Variants in C3orf70 observed in about 807,000 individuals in gnomAD.
C3orf70 encodes the protein chromosome 3 open reading frame 70, also known as UPF0524 protein C3orf70.
In C3orf70, 15 loss-of-function variants were observed where a neutral mutation model predicts 20.7. The observed-to-expected ratio is 0.72, with a 90% CI of 0.48 to 1.11. The LOEUF (loss-of-function observed/expected upper bound fraction) is 1.11. C3orf70 is among the 50% of genes most tolerant of loss of function. C3orf70 has a pLI of 0.00. For missense variants in C3orf70, 332 were observed against 317.6 expected (o/e 1.05, Z -0.34); for synonymous variants, 161 against 125.7 (o/e 1.28, Z -1.88).
intron 1 of C3orf70, among the ~76,000 whole-genome samples, chr3:185,115,582 T>C (rs1241899520): frequency 6.6e-6 from 1 of 152,180 alleles, no homozygotes; most frequent in Non-Finnish European, 1.5e-5. Context: ...AAACTACATA[T>C]GCTTGGCTCA....
chr3:185,101,450 C>T (rs911413203), intron 1 of C3orf70, among the ~76,000 whole-genome samples: 5 of 152,080 alleles, frequency 3.3e-5, no homozygotes, highest in South Asian at 2.1e-4. Context: ...AATAGATGCA[C>T]GCATTCATCC....
chr3:185,099,052 T>C (rs191152543), intron 1 of C3orf70, among the ~76,000 whole-genome samples: 1 of 152,336 alleles, frequency 6.6e-6, no homozygotes, highest in Admixed American at 6.5e-5. Context: ...GTGGAACTCA[T>C]TTTACCTGCA....
At chr3:185,086,828 G>T (rs996055572) in intron 1 of C3orf70, among the ~76,000 whole-genome samples, 2 of 152,004 alleles carry the variant, frequency 1.3e-5, no homozygotes, top group Admixed American at 6.5e-5. Context: ...TAGTAAAGAT[G>T]GCCACATAAA....
intron 1 of C3orf70, among the ~76,000 whole-genome samples, chr3:185,092,424 G>C (rs1186545965): frequency 6.6e-6 from 1 of 151,518 alleles, no homozygotes; most frequent in Non-Finnish European, 1.5e-5. Flanking sequence ...TCTCTGTCCA[G>C]ATCTCTGCCA....
chr3:185,119,716 T>C (rs901314536), intron 1 of C3orf70, among the ~76,000 whole-genome samples: 3 of 151,624 alleles, frequency 2.0e-5, no homozygotes, highest in South Asian at 2.1e-4. Context: ...CTTAGGGAAT[T>C]TGGGGTGCTT....
At chr3:185,093,054 C>T (rs887520251) in intron 1 of C3orf70, among the ~76,000 whole-genome samples, 2 of 152,034 alleles carry the variant, frequency 1.3e-5, no homozygotes, top group African/African-American at 4.8e-5. Context: ...ATCTGAAATG[C>T]CTGGGATCTG....
In C3orf70 at chr3:185,135,175, T is replaced by C. The variant is rs565409485; in HGVS notation, c.196+17453A>G. On this transcript the variant is annotated intron_variant, in intron 1 of 1. Coordinates refer to ENST00000335012, the MANE Select transcript of C3orf70 (RefSeq NM_001025266.3). Reference sequence around the variant, plus strand: ...AAAAATAACAATCAACAGATGCCAATACTGAGATACAGAGATGTTAGACTG... The same window carrying C: ...AAAAATAACAATCAACAGATGCCAACACTGAGATACAGAGATGTTAGACTG... 6.6e-5 allele frequency among the ~76,000 whole-genome samples: 10 copies of C among 151,814 alleles called. No individual in the cohort carries two copies. In the South Asian group the frequency reaches 2.1e-3, roughly 32 times the overall value.
Position 185,124,815 on chromosome 3 carries a change from A to C in C3orf70, c.196+27813T>G, listed in dbSNP as rs114725098. On this transcript the variant is annotated intron_variant, in intron 1 of 1. Coordinates refer to ENST00000335012, the MANE Select transcript of C3orf70 (RefSeq NM_001025266.3). ...TATCCAGTATATAGAAAGAGTTAAA[A>C]AAAATTAAAAAGTTTTTTTAAAAAA... Among the ~76,000 whole-genome samples the C allele has an allele frequency of 2.5e-3, 385 of 152,326 alleles. 1 individual carries two copies. The highest frequency in any genetic ancestry group is 9.1e-3 in the African/African-American group (378 of 41,578).
At chr3:185,091,940 T>TACACACATACACACAC (rs1715590846) in intron 1 of C3orf70, among the ~76,000 whole-genome samples, 1 of 4,850 alleles carries the variant, frequency 2.1e-4, no homozygotes, top group Non-Finnish European at 3.8e-4. Context: ...TATATATATA[T>TACACACATACACACAC]ATATATATAT....
At chr3:185,142,854 A>G (rs752364026) in intron 1 of C3orf70, among the ~76,000 whole-genome samples, 1 of 152,212 alleles carries the variant, frequency 6.6e-6, no homozygotes, top group Non-Finnish European at 1.5e-5. Flanking sequence ...ATCTAAATCT[A>G]ATCACGATGA....
intron 1 of C3orf70, among the ~76,000 whole-genome samples, chr3:185,116,668 G>A (rs1242530992): frequency 6.6e-6 from 1 of 152,144 alleles, no homozygotes; most frequent in African/African-American, 2.4e-5. Context: ...TGTTGTGTCA[G>A]TACAGCAAAG....
At position 185,079,418 on chromosome 3, in the gene C3orf70, G is replaced by A. The variant is rs1715282672; in HGVS notation, c.*3589C>T. On this transcript the variant is annotated 3_prime_UTR_variant, in exon 2 of 2. Coordinates refer to ENST00000335012, the MANE Select transcript of C3orf70 (RefSeq NM_001025266.3). ...GTTTTTGTTTTATTTTGTATTGTAT[G>A]ACCTTGAATTACAAGTCTTCCCCTC... 1 of 151,360 alleles carries A rather than the reference G, an allele frequency of 6.6e-6. No individual in the cohort carries two copies. The highest frequency in any genetic ancestry group is 1.5e-5 in the Non-Finnish European group (1 of 67,970). 9.4% of individuals were successfully genotyped at this position (151,360 alleles called of 1,614,324 possible).
intron 1 of C3orf70, among the ~76,000 whole-genome samples, chr3:185,107,565 T>C (rs1715971259): frequency 6.6e-6 from 1 of 152,160 alleles, no homozygotes; most frequent in South Asian, 2.1e-4. Flanking sequence ...TTAAAATGGT[T>C]AACAGATAAG....
chr3:185,111,164 C>T (rs945558627), intron 1 of C3orf70, among the ~76,000 whole-genome samples: 2 of 152,082 alleles, frequency 1.3e-5, no homozygotes, highest in African/African-American at 2.4e-5. Flanking sequence ...TAGAAGAATA[C>T]ATAGGAATAA....
intron 1 of C3orf70, among the ~76,000 whole-genome samples, chr3:185,112,135 A>G (rs1268468918): frequency 7.9e-5 from 12 of 152,058 alleles, no homozygotes; most frequent in Admixed American, 7.9e-4. Flanking sequence ...TACTTAAAAT[A>G]CAAAAAAATA....
intron 1 of C3orf70, among the ~76,000 whole-genome samples, chr3:185,090,469 A>C (rs967423021): frequency 3.9e-4 from 60 of 152,306 alleles, no homozygotes; most frequent in African/African-American, 1.4e-3. Context: ...TTGACACAAG[A>C]AGTATACTGC....
chr3:185,149,182 C>T (rs2377370), intron 1 of C3orf70, among the ~76,000 whole-genome samples: 28,228 of 152,112 alleles, frequency 0.19, 2,985 homozygotes, highest in East Asian at 0.42. Context: ...CACCTGAGGT[C>T]AGGAGTTCGA....
intron 1 of C3orf70, among the ~76,000 whole-genome samples, chr3:185,091,960 TA>T (rs1715598509): frequency 6.9e-4 from 4 of 5,812 alleles, no homozygotes; most frequent in Admixed American, 4.8e-3. Flanking sequence ...TATATATATA[TA>T]TATTTTTTTT....
chr3:185,091,689 C>CTT (rs1234411321), intron 1 of C3orf70, among the ~76,000 whole-genome samples: 46 of 140,176 alleles, frequency 3.3e-4, no homozygotes, highest in African/African-American at 1.1e-3. Context: ...AGCCATTTTA[C>CTT]TTTTTTTTTT....
Sources: gnomAD v4.1 joint callset for allele counts (sites outside exome capture counted in the v4.1 genomes callset) on GRCh38, gnomAD v4.1.1 for gene constraint, MANE v1.5 for transcripts, NCBI Gene and HGNC (gene_info 2026-07-23, HGNC 2026-07-21) for gene names.